Variants in PID1 observed in about 807,000 individuals in gnomAD.
The protein encoded by PID1 is phosphotyrosine interaction domain containing 1.
A neutral mutation model predicts 19.1 loss-of-function variants in PID1; 10 were observed. That is an observed-to-expected ratio of 0.52 (90% confidence interval 0.32 to 0.89). PID1 has a LOEUF of 0.89. Among genes scored for constraint, PID1 ranks in the 40% least tolerant of loss-of-function variants. The pLI, the probability that PID1 is intolerant of heterozygous loss-of-function variation, is 0.03. For missense variants in PID1, 248 were observed against 285.3 expected, an observed-to-expected ratio of 0.87 and a Z score of 0.94; for synonymous variants, 130 against 116.0, an observed-to-expected ratio of 1.12 and a Z score of -0.78.
intron 1 of PID1, 97 bp from the exon 2 acceptor site, chr2:229,156,061 CTCTGT>C: frequency 1.8e-6 from 2 of 1,130,632 alleles, no homozygotes; most frequent in Non-Finnish European, 2.5e-6. Context: ...GTTTTATTGA[CTCTGT>C]TCTATTAGGG....
chr2:229,119,866 A>G (rs1257874803), intron 2 of PID1, among the ~76,000 whole-genome samples: 1 of 152,144 alleles, frequency 6.6e-6, no homozygotes, highest in East Asian at 1.9e-4. Flanking sequence ...AGCAAGAAAA[A>G]TGCAGAGGAA....
At chr2:229,130,329 C>G (rs112506932) in intron 2 of PID1, among the ~76,000 whole-genome samples, 171 of 152,324 alleles carry the variant, frequency 1.1e-3, no homozygotes, top group African/African-American at 4.0e-3. Context: ...CAGCGCTTCT[C>G]AGAGACCAGA....
intron 2 of PID1, among the ~76,000 whole-genome samples, chr2:229,085,043 A>T (rs925100339): frequency 6.6e-6 from 1 of 152,110 alleles, no homozygotes; most frequent in African/African-American, 2.4e-5. Flanking sequence ...CTCTTTAAAG[A>T]GCTGAAGACA....
intron 1 of PID1, among the ~76,000 whole-genome samples, chr2:229,252,520 T>C (rs1406264177): frequency 6.6e-6 from 1 of 152,152 alleles, no homozygotes; most frequent in Non-Finnish European, 1.5e-5. Context: ...AATTACATTA[T>C]GAAGAAAAAT....
intron 2 of PID1, among the ~76,000 whole-genome samples, chr2:229,084,423 G>T (rs966756827): frequency 2.0e-5 from 3 of 152,124 alleles, no homozygotes; most frequent in African/African-American, 7.2e-5. Flanking sequence ...TTTCTAACTG[G>T]TAATGGTGTT....
intron 2 of PID1, among the ~76,000 whole-genome samples, chr2:229,046,204 T>C (rs1304735182): frequency 6.6e-6 from 1 of 152,174 alleles, no homozygotes; most frequent in Non-Finnish European, 1.5e-5. Flanking sequence ...GATGAAAGAA[T>C]GCTACATTTT....
intron 2 of PID1, among the ~76,000 whole-genome samples, chr2:229,052,811 T>C (rs1694022839): frequency 6.6e-6 from 1 of 152,222 alleles, no homozygotes; most frequent in African/African-American, 2.4e-5. Flanking sequence ...GCTAGCTCAC[T>C]GTGGATATTG....
At chr2:229,084,850 A>G (rs187357492) in intron 2 of PID1, among the ~76,000 whole-genome samples, 2 of 100,248 alleles carry the variant, frequency 2.0e-5, no homozygotes, top group Admixed American at 2.2e-4. Context: ...TTACTGCTTT[A>G]AAGCTTCATA....
At position 229,088,734 on chromosome 2, in the gene PID1, GA is replaced by G. The variant is rs201257603; in HGVS notation, c.178-62627del. Among the ~76,000 whole-genome samples, 243 of 147,886 alleles carry G rather than the reference GA, an allele frequency of 1.6e-3. 1 individual carries two copies. The highest frequency in any genetic ancestry group is 0.01 in the East Asian group (53 of 5,070). On this transcript the variant is annotated intron_variant, in intron 2 of 2. Transcript: ENST00000392055. ...TGTCTCATTGTCATAAACTACAAAA[GA>G]AAAAAAAAATCAGAGGCAAAAATAC... is the stretch of plus-strand genomic sequence containing the variant.
intron 2 of PID1, among the ~76,000 whole-genome samples, chr2:229,032,043 T>TA (rs1324691234): frequency 7.2e-5 from 11 of 152,096 alleles, no homozygotes; most frequent in Admixed American, 6.5e-4. Flanking sequence ...AGTAAAAACT[T>TA]AAAAAAATTA....
Position 229,139,115 on chromosome 2 carries a change from GAGAAAGAA to G in PID1, c.177+16695_177+16702del, listed in dbSNP as rs796148800. ...AGAAAGAAAGAAAGAAAGAAAGAAA[GAGAAAGAA>G]AGAAAGAAAGAAAGAAAGAAAGAAA... On this transcript the variant is annotated intron_variant, in intron 2 of 2. Coordinates refer to ENST00000392055, the MANE Select transcript of PID1 (RefSeq NM_001100818.2). Among the ~76,000 whole-genome samples, 28 of 48,068 alleles carry G rather than the reference GAGAAAGAA, an allele frequency of 5.8e-4. 2 individuals carry two copies. The highest frequency in any genetic ancestry group is 3.8e-3 in the East Asian group (5 of 1,318). The allele number at this position is 48,068 out of a possible 152,430, so 31.5% of individuals were successfully genotyped here.
chr2:229,167,423 C>T (rs963437035), intron 1 of PID1, among the ~76,000 whole-genome samples: 3 of 152,180 alleles, frequency 2.0e-5, no homozygotes, highest in African/African-American at 7.2e-5. Flanking sequence ...GGTTACAACG[C>T]CACTTCTGTA....
In PID1 at chr2:229,254,154, A is replaced by G. The variant is rs1266481495; in HGVS notation, c.30+16860T>C. Among the ~76,000 whole-genome samples the G allele has an allele frequency of 2.0e-5, 3 of 152,168 alleles. No individual in the cohort carries two copies. The East Asian group carries it at 5.8e-4, about 29-fold the overall frequency. On this transcript the variant is annotated intron_variant, in intron 1 of 2. Transcript: ENST00000392055. Reference sequence around the variant, plus strand: ...GCTAAAGAATGGCACATTCATTACGAACAACAACAACAAAAAAACCTCCAA... The same window carrying G: ...GCTAAAGAATGGCACATTCATTACGGACAACAACAACAAAAAAACCTCCAA...
intron 2 of PID1, among the ~76,000 whole-genome samples, chr2:229,069,141 T>TGTG (rs1553559147): frequency 2.3e-4 from 30 of 128,714 alleles, no homozygotes; most frequent in Non-Finnish European, 4.0e-4. Context: ...CGAGAAGGGT[T>TGTG]TTTGTGTGTG....
chr2:229,103,502 T>C (rs9808529), intron 2 of PID1, among the ~76,000 whole-genome samples: 55,521 of 151,544 alleles, frequency 0.37, 11,037 homozygotes, highest in Middle Eastern at 0.52. Context: ...TCAACTGTGT[T>C]AAGCCATGGA....
At chr2:229,129,864 A>G (rs1689693319) in intron 2 of PID1, among the ~76,000 whole-genome samples, 1 of 152,144 alleles carries the variant, frequency 6.6e-6, no homozygotes, top group South Asian at 2.1e-4. Flanking sequence ...AGTCGTGTTC[A>G]CATTCGTTAT....
chr2:229,175,649 G>C (rs566313026), intron 1 of PID1, among the ~76,000 whole-genome samples: 92 of 152,246 alleles, frequency 6.0e-4, no homozygotes, highest in Non-Finnish European at 1.1e-3. Context: ...AATGCAAGTG[G>C]CAGGCAAACT....
chr2:229,218,770 G>C (rs7560908), intron 1 of PID1, among the ~76,000 whole-genome samples: 40,743 of 152,048 alleles, frequency 0.27, 6,440 homozygotes, highest in East Asian at 0.66. Flanking sequence ...GCAGAGTGGG[G>C]AAGAAGGAGC....
intron 2 of PID1, among the ~76,000 whole-genome samples, chr2:229,073,402 T>G (rs899471858): frequency 6.6e-6 from 1 of 152,208 alleles, no homozygotes; most frequent in African/African-American, 2.4e-5. Flanking sequence ...CAATTTATTG[T>G]GAAAACTAAG....
Sources: allele counts gnomAD v4.1 joint callset (sites outside exome capture counted in the v4.1 genomes callset), GRCh38; gene constraint gnomAD v4.1.1; transcripts MANE v1.5; gene names NCBI Gene and HGNC (gene_info 2026-07-23, HGNC 2026-07-21).